COL5A1: variants seen among roughly 807,000 people sequenced by gnomAD.
COL5A1 encodes the protein collagen type V alpha 1 chain.
Under a neutral mutation model 263.7 loss-of-function variants are expected in COL5A1, and 16 were observed. That is an observed-to-expected ratio of 0.06 (90% CI 0.04 to 0.09). The LOEUF (loss-of-function observed/expected upper bound fraction) is 0.09, where lower values mean the gene tolerates loss of function less well. COL5A1 is among the 10% of genes least tolerant of loss of function. The probability of loss-of-function intolerance (pLI) is 1.00; values close to 1 mark genes in which losing one functional copy is unlikely to be tolerated. For missense variants in COL5A1, 2,036 were observed against 2,540.5 expected, an observed-to-expected ratio of 0.80 and a Z score of 4.27; for synonymous variants, 1,012 against 1,004.5, an observed-to-expected ratio of 1.01 and a Z score of -0.14.
In COL5A1 at chr9:134,765,237, G is replaced by A. The variant is rs1836614826; in HGVS notation, c.2035-444G>A. Reference sequence around the variant, plus strand: ...TCTCCTGCCCGCACCCTCTGACCCTGTGATATCATAAAAACAATCGTATGT... The same window carrying A: ...TCTCCTGCCCGCACCCTCTGACCCTATGATATCATAAAAACAATCGTATGT... On this transcript the variant is annotated intron_variant, in intron 20 of 65. Coordinates refer to ENST00000371817, the MANE Select transcript of COL5A1 (RefSeq NM_000093.5). The surrounding 1 kb of genome is among the most constrained non-coding windows in gnomAD (Gnocchi z 5.1). Among the ~76,000 whole-genome samples the A allele has an allele frequency of 6.6e-6, 1 of 152,162 alleles. No homozygotes were observed. Among genetic ancestry groups the A allele is most frequent in the Admixed American group, 6.5e-5 (1 of 15,278 alleles).
intron 24 of COL5A1, 107 bp downstream of exon 24, chr9:134,767,461 T>TG: frequency 9.3e-7 from 1 of 1,070,850 alleles, no homozygotes; most frequent in Non-Finnish European, 1.4e-6. Context: ...ATGTATATCT[T>TG]GGTGCTCCCA....
intron 1 of COL5A1, among the ~76,000 whole-genome samples, chr9:134,684,951 T>C (rs1832965004): frequency 6.8e-6 from 1 of 147,690 alleles, no homozygotes; most frequent in Non-Finnish European, 1.5e-5. Context: ...CATCCATTCA[T>C]CCATCCATCC....
intron 27 of COL5A1, among the ~76,000 whole-genome samples, 196 bp downstream of exon 27, chr9:134,775,108 A>G (rs1037136677): frequency 6.6e-6 from 1 of 152,226 alleles, no homozygotes; most frequent in Non-Finnish European, 1.5e-5. Flanking sequence ...GGGTGTGACC[A>G]GCTAGAGTCA....
chr9:134,732,974 G>A (rs904364114), intron 9 of COL5A1, among the ~76,000 whole-genome samples: 1 of 152,210 alleles, frequency 6.6e-6, no homozygotes, highest in African/African-American at 2.4e-5. Flanking sequence ...TCCTGCCGCT[G>A]CATGTGGTGG....
At chr9:134,703,315 G>A (rs1296061834) in intron 4 of COL5A1, among the ~76,000 whole-genome samples, 2 of 152,224 alleles carry the variant, frequency 1.3e-5, no homozygotes, top group Non-Finnish European at 1.5e-5. Context: ...CACAGGAGCC[G>A]TCCTCAGCCA....
rs556475136 is a variant in COL5A1 at position 134,760,100 on chromosome 9, C to A, written c.1935+1804C>A. Among the ~76,000 whole-genome samples, 121 of 133,830 alleles carry A rather than the reference C, an allele frequency of 9.0e-4. 1 individual carries two copies. The highest frequency in any genetic ancestry group is 3.1e-3 in the African/African-American group (110 of 35,124). 87.8% of individuals were successfully genotyped at this position (133,830 alleles called of 152,430 possible). On this transcript the variant is annotated intron_variant, in intron 18 of 65. Coordinates refer to ENST00000371817, the MANE Select transcript of COL5A1 (RefSeq NM_000093.5). ...CACACACGCATACACGCCCACACAC[C>A]CCCACACTCATACACGCCCACACAC...
At chr9:134,798,097 G>T (rs547660921) in intron 36 of COL5A1, among the ~76,000 whole-genome samples, 1 of 152,330 alleles carries the variant, frequency 6.6e-6, no homozygotes, top group South Asian at 2.1e-4. Context: ...GGCACCGGCT[G>T]TGTCACCTGC....
chr9:134,662,336 C>T (rs936776377), intron 1 of COL5A1, among the ~76,000 whole-genome samples: 13 of 152,226 alleles, frequency 8.5e-5, no homozygotes, highest in Admixed American at 5.9e-4. Context: ...CTGAGGGCTT[C>T]GCACATTCTT....
At chr9:134,699,783 G>T (rs1160380835) in intron 2 of COL5A1, 126 bp from the exon 3 acceptor site, 4 of 880,186 alleles carry the variant, frequency 4.5e-6, no homozygotes, top group Admixed American at 3.8e-5. Flanking sequence ...TGCAGCAGAT[G>T]GCAGTGCCCC....
chr9:134,823,412 C>T lies in COL5A1; in HGVS notation c.4645-4C>T, dbSNP rs747264682. The T allele has an allele frequency of 6.2e-7, 1 of 1,614,192 alleles. No homozygotes were observed. The highest frequency in any genetic ancestry group is 1.7e-5 in the Admixed American group (1 of 60,026). Reference sequence around the variant, plus strand: ...CAAGGGTTGATTCTTTTCTTTCTCCCCAGGGTCCAACTGGCCCGAAGGGTG... The same window carrying T: ...CAAGGGTTGATTCTTTTCTTTCTCCTCAGGGTCCAACTGGCCCGAAGGGTG... On this transcript the variant is annotated splice_region_variant and splice_polypyrimidine_tract_variant and intron_variant, in intron 60 of 65. Transcript: ENST00000371817.
Position 134,647,760 on chromosome 9 carries a change from T to C in COL5A1, c.109+5464T>C, listed in dbSNP as rs1480104433. On this transcript the variant is annotated intron_variant, in intron 1 of 65. Transcript: ENST00000371817. The surrounding 1 kb of genome is among the most constrained non-coding windows in gnomAD (Gnocchi z 5.0). ...AACTCCCGGGAGGGCGATGTTACAT[T>C]ATGGCTCCCGCTTCTCCTCTATTTA... Among the ~76,000 whole-genome samples, 2 of 152,188 alleles carry C rather than the reference T, an allele frequency of 1.3e-5. No individual in the cohort carries two copies. The highest frequency in any genetic ancestry group is 2.9e-5 in the Non-Finnish European group (2 of 68,034).
chr9:134,835,633 A>C (rs1839826343), intron 65 of COL5A1, among the ~76,000 whole-genome samples: 1 of 152,174 alleles, frequency 6.6e-6, no homozygotes, highest in Admixed American at 6.5e-5. Flanking sequence ...AACACTGCAG[A>C]CAGTTGCCAG....
chr9:134,688,380 G>A (rs951062245), intron 1 of COL5A1, among the ~76,000 whole-genome samples: 1 of 152,198 alleles, frequency 6.6e-6, no homozygotes, highest in South Asian at 2.1e-4. Context: ...CCCAGGGCTC[G>A]GCACTGTGTC....
At chr9:134,835,333 G>T (rs547796908) in intron 65 of COL5A1, 129 bp downstream of exon 65, 39 of 752,630 alleles carry the variant, frequency 5.2e-5, no homozygotes, top group Non-Finnish European at 7.8e-5. Flanking sequence ...CCAGACTCTC[G>T]CCCCAGGCAG....
chr9:134,780,553 C>T (rs1837213983), intron 28 of COL5A1, among the ~76,000 whole-genome samples: 1 of 152,158 alleles, frequency 6.6e-6, no homozygotes, highest in Admixed American at 6.5e-5. Context: ...AGATGTTCAT[C>T]CCTGGGCAGC....
intron 5 of COL5A1, 89 bp downstream of exon 5, chr9:134,727,486 T>C: frequency 6.9e-7 from 1 of 1,452,594 alleles, no homozygotes; most frequent in Non-Finnish European, 9.6e-7. Context: ...GGGACCCTTA[T>C]TTTAAATAAA....
chr9:134,738,954 C>T, intron 11 of COL5A1, 146 bp downstream of exon 11: 1 of 706,274 alleles, frequency 1.4e-6, no homozygotes, highest in Non-Finnish European at 2.5e-6. Context: ...AGGCACTCCT[C>T]ACACCAGCCC....
chr9:134,834,875 C>T, intron 64 of COL5A1, 96 bp from the exon 65 acceptor site: 1 of 897,564 alleles, frequency 1.1e-6, no homozygotes, highest in Non-Finnish European at 1.8e-6. Context: ...CCCGAGAAGA[C>T]CACAGTGTGA....
intron 23 of COL5A1, 98 bp downstream of exon 23, chr9:134,767,151 C>T (rs967501114): frequency 1.7e-5 from 25 of 1,478,130 alleles, no homozygotes; most frequent in East Asian, 2.3e-5. Context: ...GCTCTGTCCC[C>T]TCCAAGTAGC....
Sources: gnomAD v4.1 joint callset for allele counts (sites outside exome capture counted in the v4.1 genomes callset) on GRCh38, gnomAD v4.1.1 for gene constraint, Gnocchi (gnomAD v3.1) non-coding constraint, MANE v1.5 for transcripts, NCBI Gene and HGNC (gene_info 2026-07-23, HGNC 2026-07-21) for gene names.